Variants in PRKCB observed in about 807,000 individuals in gnomAD.
PRKCB encodes protein kinase C beta.
In PRKCB, 13 loss-of-function variants were observed where a neutral mutation model predicts 81.5. The ratio of observed to expected loss-of-function variants is 0.16; its 90% confidence interval spans 0.10 to 0.25. PRKCB has a LOEUF of 0.25. Ranked by LOEUF, PRKCB falls within the 10% of genes least tolerant of loss-of-function variation. PRKCB has a pLI of 1.00. For missense variants in PRKCB, 509 were observed against 875.7 expected, an observed-to-expected ratio of 0.58 and a Z score of 5.29; for synonymous variants, 335 against 321.4, an observed-to-expected ratio of 1.04 and a Z score of -0.45.
At chr16:23,985,418 C>A (rs1020132801) in intron 2 of PRKCB, among the ~76,000 whole-genome samples, 1 of 152,078 alleles carries the variant, frequency 6.6e-6, no homozygotes, top group Non-Finnish European at 1.5e-5. Context: ...TATTTTTAAA[C>A]AATGACCAGT....
intron 9 of PRKCB, 104 bp from the exon 10 acceptor site, chr16:24,154,580 G>T: frequency 9.5e-7 from 1 of 1,057,092 alleles, no homozygotes; most frequent in South Asian, 1.5e-5. Flanking sequence ...GTCAACAGAA[G>T]GCACCTATAC....
At position 24,113,944 on chromosome 16, in the gene PRKCB, C is replaced by T. The variant is rs190208620; in HGVS notation, c.918+875C>T. 5.1e-4 allele frequency among the ~76,000 whole-genome samples: 78 copies of T among 151,906 alleles called. 1 individual carries two copies. The highest frequency in any genetic ancestry group is 3.4e-3 in the Middle Eastern group (1 of 292). On this transcript the variant is annotated intron_variant, in intron 8 of 16. Coordinates refer to ENST00000643927, the MANE Select transcript of PRKCB (RefSeq NM_002738.7). ...AAAGAAGTAGACAGAGGGCCGGGTG[C>T]GGTGGCTCACACCTGTAATTCCAGC...
chr16:23,975,664 A>G (rs979106867), intron 2 of PRKCB, among the ~76,000 whole-genome samples: 2 of 151,866 alleles, frequency 1.3e-5, no homozygotes, highest in African/African-American at 4.8e-5. Context: ...GAAGGATGAA[A>G]CTCTGTATCT....
intron 3 of PRKCB, among the ~76,000 whole-genome samples, chr16:24,003,100 G>C (rs1437928852): frequency 6.6e-6 from 1 of 152,076 alleles, no homozygotes; most frequent in African/African-American, 2.4e-5. Context: ...TGGGTTCCAG[G>C]AGCTACTCCC....
At chr16:23,852,068 G>A (rs1307680702) in intron 2 of PRKCB, among the ~76,000 whole-genome samples, 1 of 152,130 alleles carries the variant, frequency 6.6e-6, no homozygotes, top group African/African-American at 2.4e-5. Context: ...AACAAATAGA[G>A]ACAAGTTCAC....
intron 2 of PRKCB, among the ~76,000 whole-genome samples, chr16:23,935,729 A>T (rs1411653964): frequency 1.3e-5 from 2 of 152,234 alleles, no homozygotes; most frequent in Non-Finnish European, 2.9e-5. Flanking sequence ...CTTTGCAGCA[A>T]CATGGATGGA....
chr16:24,192,362 T>G (rs1010113353), intron 16 of PRKCB, among the ~76,000 whole-genome samples: 4 of 152,208 alleles, frequency 2.6e-5, no homozygotes, highest in African/African-American at 9.7e-5. Flanking sequence ...CTGCTGCTAT[T>G]CCTTAAGATA....
intron 8 of PRKCB, among the ~76,000 whole-genome samples, chr16:24,116,841 G>A (rs771991754): frequency 1.3e-5 from 2 of 152,184 alleles, no homozygotes; most frequent in Non-Finnish European, 2.9e-5. Context: ...ATATAACCAA[G>A]TCTCAGTTTT....
At chr16:23,911,826 ATTTTT>A (rs58458568) in intron 2 of PRKCB, among the ~76,000 whole-genome samples, 1 of 57,426 alleles carries the variant, frequency 1.7e-5, no homozygotes, top group Non-Finnish European at 3.5e-5. Context: ...CGCGACCCAC[ATTTTT>A]TTTTTTTTTT....
At chr16:23,838,142 G>T (rs886758281) in intron 2 of PRKCB, among the ~76,000 whole-genome samples, 1 of 152,170 alleles carries the variant, frequency 6.6e-6, no homozygotes, top group Non-Finnish European at 1.5e-5. Context: ...TTGCAAATTG[G>T]CTCTCCAGGA....
chr16:23,981,706 CTTCCCT>C (rs1964710213), intron 2 of PRKCB, among the ~76,000 whole-genome samples: 14 of 91,508 alleles, frequency 1.5e-4, no homozygotes, highest in South Asian at 4.0e-4. Context: ...TTCCCTTCCC[CTTCCCT>C]TTCCCTTCCC....
Position 24,217,242 on chromosome 16 carries a change from A to C in PRKCB, c.*2426A>C. 1 of 985,432 alleles carries C rather than the reference A, an allele frequency of 1.0e-6. No individual in the cohort carries two copies. Among genetic ancestry groups the C allele is most frequent in the Non-Finnish European group, 1.2e-6 (1 of 829,916 alleles). The allele number at this position is 985,432 out of a possible 1,614,324, so 61.0% of individuals were successfully genotyped here. On this transcript the variant is annotated 3_prime_UTR_variant, in exon 17 of 17. Coordinates refer to ENST00000643927, the MANE Select transcript of PRKCB (RefSeq NM_002738.7). ...CCAAATTCTTGCCATTATTTTTCAAAAGTTTAATAGTTTGCAGAAATAGAT... is the reference window on the plus strand; with the variant it reads ...CCAAATTCTTGCCATTATTTTTCAACAGTTTAATAGTTTGCAGAAATAGAT...
chr16:24,127,082 C>T (rs886832665), intron 9 of PRKCB, among the ~76,000 whole-genome samples: 25 of 150,530 alleles, frequency 1.7e-4, no homozygotes, highest in East Asian at 7.8e-4. Context: ...CTCAGCTCAC[C>T]GCAACCTCCG....
rs185536879 is a variant in PRKCB at position 24,021,550 on chromosome 16, T to C, written c.289-10586T>C. ...CTCTGTCACTGGCCGGTGCTGAATT[T>C]GTGTGAGATGAAGAGTGTTATTGTC... On this transcript the variant is annotated intron_variant, in intron 3 of 16. Transcript: ENST00000643927. 5.9e-5 allele frequency among the ~76,000 whole-genome samples: 9 copies of C among 151,874 alleles called. No individual in the cohort carries two copies. In the East Asian group the frequency reaches 1.7e-3, roughly 29 times the overall value.
At chr16:23,898,978 A>T (rs1355572678) in intron 2 of PRKCB, among the ~76,000 whole-genome samples, 1 of 152,204 alleles carries the variant, frequency 6.6e-6, no homozygotes, top group Non-Finnish European at 1.5e-5. Context: ...TGCCTGGACC[A>T]TAGGAAGTGT....
At chr16:23,982,365 CCCTTTCCCTTG>C (rs1185284432) in intron 2 of PRKCB, among the ~76,000 whole-genome samples, 106 of 146,124 alleles carry the variant, frequency 7.3e-4, no homozygotes, top group African/African-American at 2.6e-3. Context: ...CCTTCCCCTT[CCCTTTCCCTTG>C]CCTTTCCCTT....
intron 9 of PRKCB, among the ~76,000 whole-genome samples, chr16:24,129,652 A>G (rs2141934137): frequency 6.6e-6 from 1 of 152,148 alleles, no homozygotes; most frequent in Middle Eastern, 3.4e-3. Flanking sequence ...TCTGTTTATC[A>G]TCTATCATCT....
At chr16:24,046,585 A>G (rs979216209) in intron 5 of PRKCB, among the ~76,000 whole-genome samples, 4 of 152,130 alleles carry the variant, frequency 2.6e-5, no homozygotes, top group African/African-American at 9.7e-5. Context: ...TCCAGGGAAG[A>G]GTATACCAGG....
chr16:23,944,249 G>C (rs1298412781), intron 2 of PRKCB, among the ~76,000 whole-genome samples: 1 of 152,064 alleles, frequency 6.6e-6, no homozygotes, highest in Non-Finnish European at 1.5e-5. Flanking sequence ...ATCCATAAAG[G>C]TTATTTGACT....
Sources: allele counts gnomAD v4.1 joint callset (sites outside exome capture counted in the v4.1 genomes callset), GRCh38; gene constraint gnomAD v4.1.1; transcripts MANE v1.5; gene names NCBI Gene and HGNC (gene_info 2026-07-23, HGNC 2026-07-21).